ZZEF1: variants seen among roughly 807,000 people sequenced by gnomAD.
The protein encoded by ZZEF1 is zinc finger ZZ-type and EF-hand domain-containing protein 1.
Under a neutral mutation model 342.8 loss-of-function variants are expected in ZZEF1, and 157 were observed. The ratio of observed to expected loss-of-function variants is 0.46; its 90% confidence interval spans 0.40 to 0.52. The LOEUF (loss-of-function observed/expected upper bound fraction) is 0.52, where lower values mean the gene tolerates loss of function less well. Among genes scored for constraint, ZZEF1 ranks in the 20% least tolerant of loss-of-function variants. The pLI is 0.00. For synonymous variants in ZZEF1, 1,505 were observed against 1,429.1 expected, an observed-to-expected ratio of 1.05 and a Z score of -1.20; for missense variants, 3,480 against 3,725.6, an observed-to-expected ratio of 0.93 and a Z score of 1.72.
In ZZEF1 at chr17:4,006,689, T is replaced by C; in HGVS notation, c.*201A>G. The stretch of plus-strand genomic sequence containing the variant: ...GGCATTCTGCACTGCTTGGCTTATT[T>C]TCACCATGCTACAGCCTGTGCTTGT... On this transcript the variant is annotated 3_prime_UTR_variant, in exon 55 of 55. Coordinates refer to ENST00000381638, the MANE Select transcript of ZZEF1 (RefSeq NM_015113.4). The C allele has an allele frequency of 3.1e-6, 2 of 639,454 alleles. No homozygotes were observed. The highest frequency in any genetic ancestry group is 5.6e-6 in the Non-Finnish European group (2 of 356,944). 39.6% of individuals were successfully genotyped at this position (639,454 alleles called of 1,614,324 possible).
intron 44 of ZZEF1, 176 bp downstream of exon 44, chr17:4,022,533 A>G (rs541265711): frequency 1.3e-6 from 1 of 781,338 alleles, no homozygotes; most frequent in East Asian, 2.6e-5. Flanking sequence ...TGACAGGGGT[A>G]GACAGGTGTC....
At chr17:4,142,451 TG>T in intron 1 of ZZEF1, 90 bp downstream of exon 1, 1 of 1,365,712 alleles carries the variant, frequency 7.3e-7, no homozygotes, top group Non-Finnish European at 9.9e-7. Flanking sequence ...GGTCCCCGCC[TG>T]GCCTCTCCAA....
intron 5 of ZZEF1, among the ~76,000 whole-genome samples, chr17:4,111,755 T>C (rs1267062924): frequency 3.3e-5 from 4 of 121,342 alleles, no homozygotes; most frequent in Non-Finnish European, 6.9e-5. Context: ...ATTTTATATA[T>C]ATGTTTATAT....
At chr17:4,084,348 T>G (rs1372065222) in intron 16 of ZZEF1, among the ~76,000 whole-genome samples, 1 of 152,222 alleles carries the variant, frequency 6.6e-6, no homozygotes, top group African/African-American at 2.4e-5. Flanking sequence ...TGCTGAACCA[T>G]CACTGGATTT....
At chr17:4,041,186 A>T (rs962079760) in intron 39 of ZZEF1, among the ~76,000 whole-genome samples, 1 of 152,118 alleles carries the variant, frequency 6.6e-6, no homozygotes, top group African/African-American at 2.4e-5. Context: ...GTGAAGAAAA[A>T]CACATCTTCA....
At position 4,143,006 on chromosome 17, in the gene ZZEF1, C is replaced by G; in HGVS notation, c.-111G>C. On this transcript the variant is annotated 5_prime_UTR_variant, in exon 1 of 55. Transcript: ENST00000381638. Reference sequence around the variant, plus strand: ...GGCGGGGACGCGGAGGAGACGACGGCGGCCCCTGCGGCTTCCGGCTTCCTG... The same window carrying G: ...GGCGGGGACGCGGAGGAGACGACGGGGGCCCCTGCGGCTTCCGGCTTCCTG... 1 of 1,267,692 alleles carries G rather than the reference C, an allele frequency of 7.9e-7. No homozygotes were observed. The highest frequency in any genetic ancestry group is 9.9e-7 in the Non-Finnish European group (1 of 1,011,348). The allele number at this position is 1,267,692 out of a possible 1,614,324, so 78.5% of individuals were successfully genotyped here. A position where few individuals can be genotyped will look rare whatever the true frequency, so the allele number is the denominator to read the frequency against.
In ZZEF1 at chr17:4,102,302, A is replaced by C; in HGVS notation, c.1672+15T>G. ...TCTACCGAGCACACTAGAAACAGAC[A>C]GACCCACCACTCACCATCCCTTGTC... On this transcript the variant is annotated intron_variant, in intron 9 of 54. Coordinates refer to ENST00000381638, the MANE Select transcript of ZZEF1 (RefSeq NM_015113.4). 1 of 1,611,448 alleles carries C rather than the reference A, an allele frequency of 6.2e-7. No individual in the cohort carries two copies. The highest frequency in any genetic ancestry group is 8.5e-7 in the Non-Finnish European group (1 of 1,177,726).
At chr17:4,086,828 T>C (rs1428084299) in intron 14 of ZZEF1, among the ~76,000 whole-genome samples, 173 bp from the exon 15 acceptor site, 2 of 152,142 alleles carry the variant, frequency 1.3e-5, no homozygotes, top group African/African-American at 4.8e-5. Flanking sequence ...CTGTACTAAA[T>C]GTCTGGAAAC....
chr17:4,076,596 G>A, intron 21 of ZZEF1, 41 bp downstream of exon 21: 1 of 1,586,996 alleles, frequency 6.3e-7, no homozygotes. Flanking sequence ...CATCACTCCT[G>A]AGAGAGAACA....
At chr17:4,105,361 C>T (rs1041343848) in intron 7 of ZZEF1, among the ~76,000 whole-genome samples, 1 of 152,126 alleles carries the variant, frequency 6.6e-6, no homozygotes, top group African/African-American at 2.4e-5. Context: ...AATCAGGCTC[C>T]CTGGACCTGC....
intron 38 of ZZEF1, 38 bp from the exon 39 acceptor site, chr17:4,042,606 C>T (rs2056826126): frequency 6.2e-7 from 1 of 1,603,288 alleles, no homozygotes; most frequent in Non-Finnish European, 8.5e-7. Context: ...TTGCCTGCAT[C>T]TCCACATGTA....
At chr17:4,019,173 G>A (rs2056197457) in intron 46 of ZZEF1, among the ~76,000 whole-genome samples, 1 of 152,050 alleles carries the variant, frequency 6.6e-6, no homozygotes, top group African/African-American at 2.4e-5. Flanking sequence ...AATTAAATGA[G>A]AATTTACAAT....
At chr17:4,116,671 C>T (rs370527440) in intron 3 of ZZEF1, among the ~76,000 whole-genome samples, 36 of 152,286 alleles carry the variant, frequency 2.4e-4, no homozygotes, top group Middle Eastern at 3.4e-3. Context: ...ACAATAAGCG[C>T]GATTTCCACC....
chr17:4,132,585 C>T (rs1041636555), intron 1 of ZZEF1, among the ~76,000 whole-genome samples: 1 of 151,814 alleles, frequency 6.6e-6, no homozygotes, highest in African/African-American at 2.4e-5. Flanking sequence ...GTAATCCCAG[C>T]ACTTTGGGAG....
chr17:4,066,919 C>T (rs1178753297), intron 27 of ZZEF1, among the ~76,000 whole-genome samples: 1 of 152,160 alleles, frequency 6.6e-6, no homozygotes, highest in Non-Finnish European at 1.5e-5. Flanking sequence ...GTTCCGCCAA[C>T]TCTACGGAGT....
intron 36 of ZZEF1, 53 bp downstream of exon 36, chr17:4,050,728 T>G: frequency 6.2e-7 from 1 of 1,606,876 alleles, no homozygotes; most frequent in Non-Finnish European, 8.5e-7. Flanking sequence ...GCCAAGGCTT[T>G]TTTTCACCAG....
At chr17:4,021,684 G>A (rs1391990346) in intron 44 of ZZEF1, among the ~76,000 whole-genome samples, 1 of 152,166 alleles carries the variant, frequency 6.6e-6, no homozygotes, top group Non-Finnish European at 1.5e-5. Flanking sequence ...TTCATAATAT[G>A]CTCAGTGAAG....
At chr17:4,114,569 G>T in intron 3 of ZZEF1, 99 bp from the exon 4 acceptor site, 1 of 1,017,290 alleles carries the variant, frequency 9.8e-7, no homozygotes, top group Non-Finnish European at 1.3e-6. Flanking sequence ...TGGTACTCTG[G>T]CCCTAGAAAC....
At chr17:4,135,457 GAGCA>G (rs1349559286) in intron 1 of ZZEF1, among the ~76,000 whole-genome samples, 5 of 138,080 alleles carry the variant, frequency 3.6e-5, no homozygotes, top group African/African-American at 1.0e-4. Context: ...CTGGGCAACA[GAGCA>G]AGACTCCATC....
Sources: allele counts gnomAD v4.1 joint callset (sites outside exome capture counted in the v4.1 genomes callset), GRCh38; gene constraint gnomAD v4.1.1; transcripts MANE v1.5; gene names NCBI Gene and HGNC (gene_info 2026-07-23, HGNC 2026-07-21).